Variants in CIPC observed in about 807,000 individuals in gnomAD.
The protein encoded by CIPC is CLOCK interacting pacemaker, also known as CLOCK-interacting pacemaker.
A neutral mutation model predicts 26.7 loss-of-function variants in CIPC; 12 were observed. That is an observed-to-expected ratio of 0.45 (90% confidence interval 0.29 to 0.73). CIPC has a LOEUF of 0.73. CIPC is among the 30% of genes least tolerant of loss of function. The pLI is 0.12. For missense variants in CIPC, 417 were observed against 486.5 expected (o/e 0.86, Z 1.34); for synonymous variants, 170 against 189.8 (o/e 0.90, Z 0.86).
At chr14:77,098,567 AG>A (rs1286077914) in intron 1 of CIPC, 6 of 149,388 alleles carry the variant, frequency 4.0e-5, no homozygotes, top group African/African-American at 1.5e-4. Flanking sequence ...GGCGTGGGAG[AG>A]GGAATCGCGG....
intron 2 of CIPC, among the ~76,000 whole-genome samples, chr14:77,107,438 A>T (rs2140030293): frequency 6.6e-6 from 1 of 152,336 alleles, no homozygotes; most frequent in East Asian, 1.9e-4. Flanking sequence ...GCCAGGTGCC[A>T]GTGATTTCCT....
chr14:77,099,557 C>T (rs534372494), intron 1 of CIPC, among the ~76,000 whole-genome samples: 114 of 152,302 alleles, frequency 7.5e-4, no homozygotes, highest in Non-Finnish European at 1.3e-3. Context: ...TCAAGGTTTT[C>T]TTTCTGTGAC....
chr14:77,102,669 A>G (rs2140026238), intron 1 of CIPC, among the ~76,000 whole-genome samples: 1 of 152,338 alleles, frequency 6.6e-6, no homozygotes, highest in Non-Finnish European at 1.5e-5. Flanking sequence ...CATGTTTAGT[A>G]AGATAATGTG....
Position 77,116,489 on chromosome 14 carries a change from T to C in CIPC, c.*2171T>C, listed in dbSNP as rs1239804524. On this transcript the variant is annotated 3_prime_UTR_variant, in exon 4 of 4. Coordinates refer to ENST00000361786, the MANE Select transcript of CIPC (RefSeq NM_033426.3). ...CTTGCTGAGAACCAAATTTATTCCATTGGAAAAACCCTCTGTGGAGCTATA... is the reference window on the plus strand; with the variant it reads ...CTTGCTGAGAACCAAATTTATTCCACTGGAAAAACCCTCTGTGGAGCTATA... The C allele has an allele frequency of 6.6e-6, 1 of 152,234 alleles. No homozygotes were observed. The highest frequency in any genetic ancestry group is 1.5e-5 in the Non-Finnish European group (1 of 68,044). 9.4% of individuals were successfully genotyped at this position (152,234 alleles called of 1,614,324 possible). A position where few individuals can be genotyped will look rare whatever the true frequency, so the allele number is the denominator to read the frequency against.
Position 77,115,521 on chromosome 14 carries a change from CAG to C in CIPC, c.*1206_*1207del, listed in dbSNP as rs770783125. 1 of 152,140 alleles carries C rather than the reference CAG, an allele frequency of 6.6e-6. No individual in the cohort carries two copies. The highest frequency in any genetic ancestry group is 1.5e-5 in the Non-Finnish European group (1 of 68,026). 9.4% of individuals were successfully genotyped at this position (152,140 alleles called of 1,614,324 possible). On this transcript the variant is annotated 3_prime_UTR_variant, in exon 4 of 4. Transcript: ENST00000361786. Reference sequence around the variant, plus strand: ...TTCATCTCAAAATGGAGACCATGACCAGAGTTTCCAGATGATACACGTTCTTT... The same window carrying C: ...TTCATCTCAAAATGGAGACCATGACCAGTTTCCAGATGATACACGTTCTTT...
chr14:77,107,964 C>G (rs1233299631), intron 2 of CIPC, among the ~76,000 whole-genome samples: 1 of 152,186 alleles, frequency 6.6e-6, no homozygotes, highest in Non-Finnish European at 1.5e-5. Flanking sequence ...TTTATAACCA[C>G]TCCCCTATCT....
At chr14:77,102,709 G>T (rs1263352747) in intron 1 of CIPC, among the ~76,000 whole-genome samples, 1 of 152,140 alleles carries the variant, frequency 6.6e-6, no homozygotes, top group African/African-American at 2.4e-5. Flanking sequence ...ACCTAAGTAA[G>T]GTTCTTAATT....
At chr14:77,100,426 G>C (rs148369840) in intron 1 of CIPC, among the ~76,000 whole-genome samples, 284 of 151,936 alleles carry the variant, frequency 1.9e-3, no homozygotes, top group African/African-American at 6.0e-3. Context: ...GTTTTTAGTA[G>C]AGACAGGGTT....
In CIPC at chr14:77,117,143, A is replaced by G. The variant is rs1283662228; in HGVS notation, c.*2825A>G. 6.6e-6 allele frequency: 1 copy of G among 152,638 alleles called. No individual in the cohort carries two copies. The highest frequency in any genetic ancestry group is 1.5e-5 in the Non-Finnish European group (1 of 68,036). 9.5% of individuals were successfully genotyped at this position (152,638 alleles called of 1,614,324 possible). ...TTTAGCAGAAAAGTAACTTTTGTGC[A>G]TATATTGAAGTGGTTTTTCAGCTAT... On this transcript the variant is annotated 3_prime_UTR_variant, in exon 4 of 4. Transcript: ENST00000361786.
chr14:77,100,240 C>CTTTTTTTTTTTTT (rs57785837), intron 1 of CIPC, among the ~76,000 whole-genome samples: 1 of 130,522 alleles, frequency 7.7e-6, no homozygotes, highest in Non-Finnish European at 1.6e-5. Context: ...TTCTTTCTTT[C>CTTTTTTTTTTTTT]TTTTTTTTTT....
intron 1 of CIPC, among the ~76,000 whole-genome samples, chr14:77,102,590 A>G (rs1886511456): frequency 1.3e-5 from 2 of 152,160 alleles, no homozygotes; most frequent in South Asian, 4.1e-4. Flanking sequence ...GACCTTTTTC[A>G]TTGTTTTGCC....
In CIPC at chr14:77,105,763, G is replaced by A; in HGVS notation, c.55G>A (p.Gly19Ser). 6.2e-7 allele frequency: 1 copy of A among 1,614,124 alleles called. No homozygotes were observed. The highest frequency in any genetic ancestry group is 8.5e-7 in the Non-Finnish European group (1 of 1,179,978). The change falls in exon 2 of 4, where the codon GGC becomes AGC. Residue 19 changes from glycine to serine, a missense_variant. Transcript: ENST00000361786. Reference sequence around the variant, plus strand: ...CCCCAGAAGACTCTCTGCCAAAGTAGGCAAAGGCACAGAGATGAAGAAAGT... The same window carrying A: ...CCCCAGAAGACTCTCTGCCAAAGTAAGCAAAGGCACAGAGATGAAGAAAGT... ...ESPRRLSAKV[G>S]KGTEMKKVAR... is the part of the protein sequence containing the mutation.
intron 3 of CIPC, among the ~76,000 whole-genome samples, chr14:77,110,329 G>A (rs972156936): frequency 6.6e-6 from 1 of 152,098 alleles, no homozygotes; most frequent in African/African-American, 2.4e-5. Flanking sequence ...GCAGAGTTTA[G>A]GGTAGAAACA....
intron 2 of CIPC, among the ~76,000 whole-genome samples, chr14:77,106,636 G>C (rs1886595825): frequency 6.6e-6 from 1 of 152,110 alleles, no homozygotes. Context: ...CCCTCTCAAG[G>C]AGAAGATTTA....
rs57785837 is a variant in CIPC, at chr14:77,100,240, C to CTTTTTT, written c.-53+1893_-53+1898dup. On this transcript the variant is annotated intron_variant, in intron 1 of 3. Coordinates refer to ENST00000361786, the MANE Select transcript of CIPC (RefSeq NM_033426.3). The stretch of plus-strand genomic sequence containing the variant: ...ATTTATTGATTCACTTTCTTTCTTT[C>CTTTTTT]TTTTTTTTTTTTTTTTTTTGAGACG... 3.8e-4 allele frequency among the ~76,000 whole-genome samples: 50 copies of CTTTTTT among 130,516 alleles called. 1 individual carries two copies. Among genetic ancestry groups the CTTTTTT allele is most frequent in the African/African-American group, 7.0e-4 (24 of 34,322 alleles). The allele number at this position is 130,516 out of a possible 152,430, so 85.6% of individuals were successfully genotyped here. A position where few individuals can be genotyped will look rare whatever the true frequency, so the allele number is the denominator to read the frequency against.
intron 2 of CIPC, among the ~76,000 whole-genome samples, chr14:77,108,246 C>T (rs965422175): frequency 6.6e-6 from 1 of 152,136 alleles, no homozygotes; most frequent in African/African-American, 2.4e-5. Context: ...GATTTCTTTA[C>T]CATTAAAGTA....
At position 77,114,239 on chromosome 14, in the gene CIPC, A is replaced by G. The variant is rs763253419; in HGVS notation, c.1121A>G (p.Lys374Arg). 3.7e-6 allele frequency: 6 copies of G among 1,614,006 alleles called. No individual in the cohort carries two copies. The highest frequency in any genetic ancestry group is 3.3e-5 in the Admixed American group (2 of 60,000). The change falls in exon 4 of 4, where the codon AAG (lysine) becomes AGG (arginine). Residue 374 changes from lysine to arginine, a missense_variant. Transcript: ENST00000361786. Reference sequence around the variant, plus strand: ...AGCAGGGCCCCTCAGGCTTGGGCCAAGCTGCAGGCATCTTTAACACCTGGG... The same window carrying G: ...AGCAGGGCCCCTCAGGCTTGGGCCAGGCTGCAGGCATCTTTAACACCTGGG... ...TKSRAPQAWA[K>R]LQASLTPGSS... is the part of the protein sequence containing the mutation.
chr14:77,109,668 C>A, intron 2 of CIPC, 144 bp from the exon 3 acceptor site: 1 of 647,986 alleles, frequency 1.5e-6, no homozygotes, highest in Non-Finnish European at 2.5e-6. Flanking sequence ...CCAATGAAAG[C>A]TAAAAGCCTC....
At position 77,113,747 on chromosome 14, in the gene CIPC, C is replaced by G; in HGVS notation, c.629C>G (p.Ser210Cys). The G allele has an allele frequency of 6.2e-7, 1 of 1,612,818 alleles. No homozygotes were observed. Among genetic ancestry groups the G allele is most frequent in the South Asian group, 1.1e-5 (1 of 90,944 alleles). The part of the protein sequence containing the change: ...SEPTKAGAVP[S>C]SPSTPAPPSA... ...CCAACCAAGGCTGGTGCTGTCCCAT[C>G]CAGTCCCTCGACGCCAGCACCACCC... The change falls in exon 4 of 4, where the codon TCC (serine) becomes TGC (cysteine). Residue 210 changes from serine (S) to cysteine (C), a missense_variant. Physicochemically the swap from Ser to Cys is moderately radical, Grantham distance 112. Coordinates refer to ENST00000361786, the MANE Select transcript of CIPC (RefSeq NM_033426.3).
Sources: allele counts gnomAD v4.1 joint callset (sites outside exome capture counted in the v4.1 genomes callset), GRCh38; gene constraint gnomAD v4.1.1; transcripts MANE v1.5; gene names NCBI Gene and HGNC (gene_info 2026-07-23, HGNC 2026-07-21).